NEBL: variants seen among roughly 807,000 people sequenced by gnomAD.
NEBL encodes the protein nebulette, also known as LIM and SH3 protein 2.
Under a neutral mutation model 140.2 loss-of-function variants are expected in NEBL, and 122 were observed. The observed-to-expected ratio is 0.87, with a 90% CI of 0.75 to 1.01. The LOEUF (loss-of-function observed/expected upper bound fraction) is 1.01. Among genes scored for constraint, NEBL ranks in the 50% least tolerant of loss-of-function variants. The pLI, the probability that NEBL is intolerant of heterozygous loss-of-function variation, is 0.00. For synonymous variants in NEBL, 436 were observed against 398.9 expected (o/e 1.09, Z -1.11); for missense variants, 1,365 against 1,231.3 (o/e 1.11, Z -1.62).
intron 2 of NEBL, among the ~76,000 whole-genome samples, chr10:21,249,020 T>C (rs1244659436): frequency 1.0e-5 from 1 of 100,056 alleles, no homozygotes; most frequent in Non-Finnish European, 2.0e-5. Flanking sequence ...TTGGGTGTTT[T>C]TGTTTTTGTT....
intron 2 of NEBL, among the ~76,000 whole-genome samples, chr10:20,890,911 T>C (rs1846975798): frequency 6.6e-6 from 1 of 152,252 alleles, no homozygotes; most frequent in South Asian, 2.1e-4. Flanking sequence ...TGTATCACTC[T>C]GTAATATGCT....
At chr10:21,109,997 A>G (rs1357625499) in intron 2 of NEBL, among the ~76,000 whole-genome samples, 1 of 151,660 alleles carries the variant, frequency 6.6e-6, no homozygotes. Flanking sequence ...TCATGCCTCT[A>G]TCTCCTTCAC....
intron 4 of NEBL, among the ~76,000 whole-genome samples, chr10:20,909,895 A>T (rs1848260232): frequency 6.6e-6 from 1 of 152,234 alleles, no homozygotes. Flanking sequence ...TCTGCAGGAA[A>T]AAAAAAGTGT....
At chr10:20,917,162 GA>G (rs1833342533) in intron 4 of NEBL, among the ~76,000 whole-genome samples, 2 of 152,194 alleles carry the variant, frequency 1.3e-5, no homozygotes, top group Non-Finnish European at 2.9e-5. Flanking sequence ...AACTTTTTAT[GA>G]AGTTGAAAAT....
chr10:21,261,123 T>C (rs113495464), intron 1 of NEBL, among the ~76,000 whole-genome samples: 13 of 152,316 alleles, frequency 8.5e-5, no homozygotes, highest in African/African-American at 3.1e-4. Context: ...TTGCAGGTCT[T>C]GGTTTACACC....
intron 2 of NEBL, among the ~76,000 whole-genome samples, chr10:21,135,605 A>G (rs540598802): frequency 6.6e-6 from 1 of 152,292 alleles, no homozygotes; most frequent in South Asian, 2.1e-4. Context: ...CTAAAGAAAA[A>G]AGAAACAGCT....
At chr10:21,268,772 G>A (rs893947904) in intron 1 of NEBL, among the ~76,000 whole-genome samples, 5 of 151,776 alleles carry the variant, frequency 3.3e-5, no homozygotes, top group South Asian at 4.2e-4. Flanking sequence ...TGATCCACCC[G>A]CCTCGGCCTC....
chr10:20,876,671 C>A (rs1300294170), intron 5 of NEBL, among the ~76,000 whole-genome samples: 1 of 152,166 alleles, frequency 6.6e-6, no homozygotes, highest in Non-Finnish European at 1.5e-5. Context: ...TTTGGAAAAG[C>A]TTACCACTCC....
intron 3 of NEBL, among the ~76,000 whole-genome samples, chr10:20,969,939 C>T (rs1458783226): frequency 6.6e-6 from 1 of 152,152 alleles, no homozygotes; most frequent in African/African-American, 2.4e-5. Flanking sequence ...AATATAGCCT[C>T]AGAAATTACA....
intron 4 of NEBL, among the ~76,000 whole-genome samples, chr10:20,904,293 C>G (rs927965768): frequency 1.3e-5 from 2 of 152,112 alleles, no homozygotes. Flanking sequence ...TTTCAGCATT[C>G]CTTACTATGC....
At chr10:20,908,906 T>C (rs954678305) in intron 4 of NEBL, among the ~76,000 whole-genome samples, 2 of 152,234 alleles carry the variant, frequency 1.3e-5, no homozygotes, top group African/African-American at 4.8e-5. Flanking sequence ...GATGTACTCA[T>C]TCTAAATGGT....
At chr10:21,012,272 G>A (rs539529096) in intron 3 of NEBL, among the ~76,000 whole-genome samples, 2 of 152,264 alleles carry the variant, frequency 1.3e-5, no homozygotes, top group South Asian at 2.1e-4. Flanking sequence ...TTCTCTCTCT[G>A]GGGCCACAAG....
chr10:20,850,338 C>T, intron 11 of NEBL, 57 bp downstream of exon 11: 1 of 1,368,488 alleles, frequency 7.3e-7, no homozygotes, highest in African/African-American at 1.4e-5. Flanking sequence ...TGCGTCCTTT[C>T]AAATGACAAA....
intron 4 of NEBL, among the ~76,000 whole-genome samples, chr10:20,953,317 G>A (rs116597023): frequency 8.7e-4 from 133 of 152,172 alleles, no homozygotes; most frequent in African/African-American, 3.0e-3. Context: ...ACACACCAAC[G>A]AAAGGCCACA....
At chr10:20,963,963 C>T (rs1169070085) in intron 3 of NEBL, among the ~76,000 whole-genome samples, 2 of 152,236 alleles carry the variant, frequency 1.3e-5, no homozygotes, top group African/African-American at 4.8e-5. Flanking sequence ...AACTCCGAGC[C>T]ATTCATCAGC....
At chr10:21,023,515 G>A (rs1290859733) in intron 2 of NEBL, among the ~76,000 whole-genome samples, 2 of 152,156 alleles carry the variant, frequency 1.3e-5, no homozygotes, top group East Asian at 3.9e-4. Flanking sequence ...CCAACATGGT[G>A]AAACCCAGTC....
intron 2 of NEBL, among the ~76,000 whole-genome samples, chr10:21,135,671 G>T (rs1337477469): frequency 6.6e-6 from 1 of 152,162 alleles, no homozygotes; most frequent in Non-Finnish European, 1.5e-5. Context: ...GGGACATCAT[G>T]GCACAGCCTT....
intron 2 of NEBL, among the ~76,000 whole-genome samples, chr10:21,100,986 T>G (rs1439080256): frequency 1.3e-5 from 2 of 152,186 alleles, no homozygotes; most frequent in East Asian, 3.9e-4. Flanking sequence ...CACGGGAACA[T>G]TTTGTGGCTT....
chr10:20,957,618 C>T (rs1366558992), intron 4 of NEBL, among the ~76,000 whole-genome samples: 1 of 152,004 alleles, frequency 6.6e-6, no homozygotes, highest in Non-Finnish European at 1.5e-5. Flanking sequence ...TCATTGAAGT[C>T]AACACACAGA....
Sources: gnomAD v4.1 joint callset for allele counts (sites outside exome capture counted in the v4.1 genomes callset) on GRCh38, gnomAD v4.1.1 for gene constraint, MANE v1.5 for transcripts, NCBI Gene and HGNC (gene_info 2026-07-23, HGNC 2026-07-21) for gene names.